Variants in MLPH observed in about 807,000 individuals in gnomAD.
MLPH encodes exophilin-3.
In MLPH, 51 loss-of-function variants were observed where a neutral mutation model predicts 72.1. The ratio of observed to expected loss-of-function variants is 0.71; its 90% CI spans 0.56 to 0.89. The LOEUF is 0.89. Ranked by LOEUF, MLPH falls within the 40% of genes least tolerant of loss-of-function variation. The pLI is 0.00. For synonymous variants in MLPH, 301 were observed against 310.1 expected (o/e 0.97, Z 0.31); for missense variants, 743 against 759.9 (o/e 0.98, Z 0.26).
chr2:237,539,144 G>T (rs908917418), intron 9 of MLPH, among the ~76,000 whole-genome samples: 3 of 152,068 alleles, frequency 2.0e-5, no homozygotes, highest in Non-Finnish European at 1.5e-5. Flanking sequence ...TTTACTATGG[G>T]GGGGCGGGGA....
At chr2:237,498,645 G>A (rs935259542) in intron 2 of MLPH, among the ~76,000 whole-genome samples, 3 of 152,184 alleles carry the variant, frequency 2.0e-5, no homozygotes, top group Non-Finnish European at 2.9e-5. Context: ...AGGAGGGATC[G>A]GTGAGAAGGA....
chr2:237,536,689 G>A (rs1284521079), intron 9 of MLPH, among the ~76,000 whole-genome samples: 3 of 152,204 alleles, frequency 2.0e-5, no homozygotes, highest in South Asian at 2.1e-4. Context: ...CTCGGGCCTC[G>A]GCTCTGCCTC....
intron 7 of MLPH, 163 bp from the exon 8 acceptor site, chr2:237,527,214 A>G (rs2080322571): frequency 4.9e-6 from 4 of 823,620 alleles, no homozygotes; most frequent in South Asian, 4.3e-5. Flanking sequence ...GTGGCTGTGG[A>G]ATCTGCCCCA....
Position 237,540,812 on chromosome 2 carries a change from C to G in MLPH, c.1301C>G (p.Ala434Gly), listed in dbSNP as rs1233384427. The change falls in exon 11 of 16, where the codon GCT becomes GGT. Residue 434 changes from alanine (A) to glycine (G), a missense_variant. Ala to Gly is a moderately conservative substitution (Grantham distance 60). Transcript: ENST00000264605. The stretch of plus-strand genomic sequence containing the variant: ...CCTTCTCTTTCCTAGGTGGGCACGG[C>G]TGCCCATCAAACCAACAGACAGGAA... ...LPQADPEVGT[A>G]AHQTNRQEKS... The G allele has an allele frequency of 6.2e-7, 1 of 1,613,208 alleles. No homozygotes were observed. The highest frequency in any genetic ancestry group is 2.2e-5 in the East Asian group (1 of 44,862).
Position 237,540,793 on chromosome 2 carries a change from C to T in MLPH, c.1291-9C>T. On this transcript the variant is annotated splice_polypyrimidine_tract_variant and intron_variant, in intron 10 of 15. Transcript: ENST00000264605. The stretch of plus-strand genomic sequence containing the variant: ...GCTGCTGGTCAGCCTCCGTCCTTCT[C>T]TTTCCTAGGTGGGCACGGCTGCCCA... The T allele has an allele frequency of 6.2e-7, 1 of 1,612,932 alleles. No homozygotes were observed.
At chr2:237,545,957 A>G (rs1574912449) in intron 12 of MLPH, among the ~76,000 whole-genome samples, 3 of 152,338 alleles carry the variant, frequency 2.0e-5, no homozygotes, top group African/African-American at 2.4e-5. Context: ...GGACACACCC[A>G]TGACACAGCC....
intron 8 of MLPH, among the ~76,000 whole-genome samples, chr2:237,529,657 A>G (rs905410042): frequency 1.3e-5 from 2 of 152,222 alleles, no homozygotes; most frequent in African/African-American, 4.8e-5. Context: ...CCAGCAACGT[A>G]ATCACAGGAT....
chr2:237,546,456 G>C, intron 12 of MLPH, 150 bp from the exon 13 acceptor site: 1 of 715,246 alleles, frequency 1.4e-6, no homozygotes, highest in South Asian at 1.5e-5. Flanking sequence ...GAGTCCTGGA[G>C]CGGCATACTG....
intron 12 of MLPH, chr2:237,545,560 G>T (rs1053927197): frequency 1.6e-5 from 21 of 1,288,290 alleles, no homozygotes; most frequent in Non-Finnish European, 2.1e-5. Context: ...GTTGCCTCAT[G>T]TGGAAATCCT....
intron 14 of MLPH, among the ~76,000 whole-genome samples, chr2:237,550,487 T>C (rs761908876): frequency 5.3e-5 from 8 of 152,164 alleles, no homozygotes; most frequent in African/African-American, 2.4e-5. Context: ...TGGAGAGCCA[T>C]GTGCTGGCTC....
In MLPH at chr2:237,510,626, G is replaced by T; in HGVS notation, c.163G>T (p.Asp55Tyr). The T allele has an allele frequency of 1.2e-6, 2 of 1,613,662 alleles. No homozygotes were observed. The highest frequency in any genetic ancestry group is 1.7e-6 in the Non-Finnish European group (2 of 1,180,018). The change falls in exon 3 of 16, where the codon GAC becomes TAC. Residue 55 changes from aspartate to tyrosine, a missense_variant. Physicochemically the swap from Asp to Tyr is radical, Grantham distance 160. Transcript: ENST00000264605. The surrounding 1 kb of genome is among the most constrained non-coding windows in gnomAD (Gnocchi z 4.4). ...KESSKRELLS[D>Y]TAHLNETHCA... is the part of the protein sequence containing the mutation. ...AAGCTCCAAGAGGGAGCTGCTTTCC[G>T]ACACTGCCCATCTGAACGAGACCCA... is the stretch of plus-strand genomic sequence containing the variant.
At position 237,542,656 on chromosome 2, in the gene MLPH, C is replaced by A. The variant is rs779799866; in HGVS notation, c.1536C>A (p.Leu512=). The change falls in exon 12 of 16, where the codon CTC becomes CTA. Residue 512 remains leucine, a synonymous_variant. Transcript: ENST00000264605. ...PSGKPRRKSN[L]PIFLPRVAGK... ...GAAAGCCCCGGAGGAAGTCAAACCT[C>A]CCGGTGAGTGGGGGGCAGTGGTGAG... 6.4e-7 allele frequency: 1 copy of A among 1,571,900 alleles called. No homozygotes were observed. Among genetic ancestry groups the A allele is most frequent in the East Asian group, 2.3e-5 (1 of 43,066 alleles).
chr2:237,489,218 C>T (rs578104256), intron 1 of MLPH, among the ~76,000 whole-genome samples: 4 of 152,342 alleles, frequency 2.6e-5, no homozygotes, highest in African/African-American at 9.6e-5. Context: ...GAGACTAGCA[C>T]TGAGGCTTTA....
At chr2:237,550,997 G>T (rs1424377749) in intron 14 of MLPH, among the ~76,000 whole-genome samples, 1 of 152,212 alleles carries the variant, frequency 6.6e-6, no homozygotes, top group Non-Finnish European at 1.5e-5. Flanking sequence ...GCCCCCTGAA[G>T]CTCACAGGAA....
chr2:237,498,259 ATTTCT>A (rs1196007497), intron 2 of MLPH, among the ~76,000 whole-genome samples: 1 of 152,202 alleles, frequency 6.6e-6, no homozygotes, highest in Non-Finnish European at 1.5e-5. Context: ...AAGAAAATGC[ATTTCT>A]TTTAACAGTC....
intron 1 of MLPH, among the ~76,000 whole-genome samples, chr2:237,488,524 C>A (rs939367608): frequency 6.6e-6 from 1 of 152,182 alleles, no homozygotes; most frequent in African/African-American, 2.4e-5. Flanking sequence ...GGGCCCAGCC[C>A]CCTCCCTGCC....
chr2:237,541,184 A>G lies in MLPH; in HGVS notation c.1446+227A>G, dbSNP rs55964202. Among the ~76,000 whole-genome samples, 4,182 of 152,086 alleles carry G rather than the reference A, an allele frequency of 0.027. 188 individuals carry two copies. The highest frequency in any genetic ancestry group is 0.096 in the African/African-American group (3,983 of 41,458). ...CCACCCCTTCCCTTTTTCCTGTTCA[A>G]CTTGGTGAGGGACAGGCAGGGTTTC... On this transcript the variant is annotated intron_variant, in intron 11 of 15. Transcript: ENST00000264605. This position sits in a 1 kb window ranked among gnomAD's most constrained non-coding sequence, Gnocchi z 5.1.
chr2:237,545,720 C>A, intron 12 of MLPH: 1 of 1,143,876 alleles, frequency 8.7e-7, no homozygotes, highest in Non-Finnish European at 1.1e-6. Context: ...GGACATTTGG[C>A]AAAAGAATGA....
intron 5 of MLPH, among the ~76,000 whole-genome samples, 187 bp from the exon 6 acceptor site, chr2:237,519,723 T>C (rs1161006830): frequency 1.3e-5 from 2 of 151,934 alleles, no homozygotes; most frequent in African/African-American, 4.8e-5. Flanking sequence ...CACCAACCAG[T>C]CCCCCAACCA....
Sources: allele counts gnomAD v4.1 joint callset (sites outside exome capture counted in the v4.1 genomes callset), GRCh38; gene constraint gnomAD v4.1.1; non-coding constraint Gnocchi (gnomAD v3.1); transcripts MANE v1.5; gene names NCBI Gene and HGNC (gene_info 2026-07-23, HGNC 2026-07-21).